Variants in MED12L observed in about 807,000 individuals in gnomAD.
MED12L encodes the protein mediator complex subunit 12L.
Under a neutral mutation model 281.3 loss-of-function variants are expected in MED12L, and 60 were observed. That is an observed-to-expected ratio of 0.21 (90% CI 0.17 to 0.26). MED12L has a LOEUF of 0.26. Among genes scored for constraint, MED12L ranks in the 10% least tolerant of loss-of-function variants. The pLI is 1.00. For synonymous variants in MED12L, 974 were observed against 987.2 expected (o/e 0.99, Z 0.25); for missense variants, 2,146 against 2,680.9 (o/e 0.80, Z 4.41).
chr3:151,416,898 G>C (rs777853893), intron 43 of MED12L, among the ~76,000 whole-genome samples: 1 of 152,120 alleles, frequency 6.6e-6, no homozygotes, highest in Admixed American at 6.6e-5. Context: ...CAGTCGGATA[G>C]TTCACTTCTC....
intron 16 of MED12L, among the ~76,000 whole-genome samples, chr3:151,290,443 G>A (rs1009988193): frequency 2.4e-4 from 36 of 152,198 alleles, no homozygotes; most frequent in Admixed American, 2.0e-3. Flanking sequence ...AATCTTAGGA[G>A]TTTCTTGATA....
intron 16 of MED12L, chr3:151,198,510 G>A (rs924120400): frequency 3.1e-6 from 5 of 1,613,364 alleles, no homozygotes; most frequent in Admixed American, 3.3e-5. Context: ...ACCTTTGAGC[G>A]GAATGCTTTT....
chr3:151,355,698 G>T (rs902669876), intron 18 of MED12L, among the ~76,000 whole-genome samples, 198 bp from the exon 19 acceptor site: 7 of 152,042 alleles, frequency 4.6e-5, no homozygotes, highest in Non-Finnish European at 1.0e-4. Context: ...ACAACTTTTT[G>T]TATTTTTTAA....
intron 16 of MED12L, among the ~76,000 whole-genome samples, chr3:151,323,666 A>T (rs1197628027): frequency 6.6e-6 from 1 of 152,146 alleles, no homozygotes; most frequent in African/African-American, 2.4e-5. Flanking sequence ...TGAATTGCCT[A>T]TTCCTTTGAA....
chr3:151,240,621 T>A (rs1166458632), intron 16 of MED12L, among the ~76,000 whole-genome samples: 1 of 151,400 alleles, frequency 6.6e-6, no homozygotes, highest in Non-Finnish European at 1.5e-5. Flanking sequence ...TCTTTAAGCA[T>A]CTCCTTTATC....
At chr3:151,379,726 G>C (rs748852389) in intron 31 of MED12L, among the ~76,000 whole-genome samples, 4 of 152,180 alleles carry the variant, frequency 2.6e-5, no homozygotes, top group Admixed American at 2.6e-4. Flanking sequence ...TAAAACAAGA[G>C]TTTTATATGA....
intron 5 of MED12L, among the ~76,000 whole-genome samples, chr3:151,145,168 A>T (rs1426775803): frequency 6.6e-6 from 1 of 152,214 alleles, no homozygotes; most frequent in African/African-American, 2.4e-5. Flanking sequence ...AAAGCTGGTA[A>T]GTGATTGGAG....
intron 16 of MED12L, among the ~76,000 whole-genome samples, chr3:151,245,300 G>C (rs1319628590): frequency 6.6e-6 from 1 of 151,872 alleles, no homozygotes; most frequent in East Asian, 1.9e-4. Context: ...ACCAAAGCTG[G>C]GCAGAGACAC....
At chr3:151,155,947 A>C (rs1441927360) in intron 5 of MED12L, among the ~76,000 whole-genome samples, 2 of 152,232 alleles carry the variant, frequency 1.3e-5, no homozygotes, top group African/African-American at 2.4e-5. Context: ...GGCTGCTGCC[A>C]CAGGGCAGGC....
At chr3:151,274,633 T>C (rs1296010237) in intron 16 of MED12L, among the ~76,000 whole-genome samples, 1 of 152,228 alleles carries the variant, frequency 6.6e-6, no homozygotes, top group Non-Finnish European at 1.5e-5. Context: ...AGGTTAGGGA[T>C]TTGGATCTAG....
At chr3:151,328,683 C>T (rs1749980692) in intron 16 of MED12L, 1 of 1,612,394 alleles carries the variant, frequency 6.2e-7, no homozygotes, top group Non-Finnish European at 8.5e-7. Flanking sequence ...TACATGGTCT[C>T]ATAAAATATC....
chr3:151,210,115 A>G (rs1336032297), intron 16 of MED12L, among the ~76,000 whole-genome samples: 1 of 152,162 alleles, frequency 6.6e-6, no homozygotes, highest in African/African-American at 2.4e-5. Context: ...TAGATCTTAT[A>G]TCTTCATGGC....
At chr3:151,258,036 G>T (rs1171930189) in intron 16 of MED12L, among the ~76,000 whole-genome samples, 1 of 152,086 alleles carries the variant, frequency 6.6e-6, no homozygotes, top group Non-Finnish European at 1.5e-5. Flanking sequence ...ATTTATTTTT[G>T]ATATTCCTGA....
rs138876357 is a variant in MED12L at position 151,323,685 on chromosome 3, G to A, written c.2251-26374G>A. Among the ~76,000 whole-genome samples, 710 of 152,148 alleles carry A rather than the reference G, an allele frequency of 4.7e-3. 5 individuals carry two copies. The highest frequency in any genetic ancestry group is 6.9e-3 in the Non-Finnish European group (472 of 67,994). On this transcript the variant is annotated intron_variant, in intron 16 of 44. Coordinates refer to ENST00000687756, the MANE Select transcript of MED12L (RefSeq NM_001393769.1). ...TTGCCTATTCCTTTGAACTTCTGTG[G>A]TGTGTCTCTCACACCTCTTATCACA...
intron 43 of MED12L, among the ~76,000 whole-genome samples, chr3:151,417,941 A>T (rs1717810710): frequency 6.6e-6 from 1 of 152,216 alleles, no homozygotes; most frequent in Non-Finnish European, 1.5e-5. Context: ...AATGTGTATT[A>T]GCAGGAACTG....
chr3:151,208,881 T>TA (rs748015354), intron 16 of MED12L, among the ~76,000 whole-genome samples: 4 of 152,006 alleles, frequency 2.6e-5, no homozygotes, highest in Non-Finnish European at 5.9e-5. Context: ...GTAGTGCAGG[T>TA]ATGGGCTTCC....
At chr3:151,410,171 G>A (rs572566926) in intron 40 of MED12L, among the ~76,000 whole-genome samples, 11 of 152,186 alleles carry the variant, frequency 7.2e-5, no homozygotes, top group Non-Finnish European at 1.3e-4. Flanking sequence ...GGAACAACCA[G>A]TGGAACTAAC....
intron 16 of MED12L, among the ~76,000 whole-genome samples, chr3:151,270,839 A>C (rs1015370545): frequency 2.6e-5 from 4 of 152,192 alleles, no homozygotes; most frequent in South Asian, 2.1e-4. Flanking sequence ...GGGACAATCC[A>C]CAGAACCTGC....
intron 16 of MED12L, among the ~76,000 whole-genome samples, chr3:151,268,348 A>T (rs529381018): frequency 7.9e-5 from 12 of 152,216 alleles, no homozygotes; most frequent in Non-Finnish European, 1.8e-4. Flanking sequence ...TGCTAATGAC[A>T]TGGTAATTTT....
Sources: allele counts gnomAD v4.1 joint callset (sites outside exome capture counted in the v4.1 genomes callset), GRCh38; gene constraint gnomAD v4.1.1; transcripts MANE v1.5; gene names NCBI Gene and HGNC (gene_info 2026-07-23, HGNC 2026-07-21).